ZNF414: variants seen among roughly 807,000 people sequenced by gnomAD.
The protein encoded by ZNF414 is zinc finger protein 414.
ZNF414 carries 32 observed loss-of-function variants against 38.3 expected under a neutral mutation model. The observed-to-expected ratio is 0.83, with a 90% CI of 0.63 to 1.12. The LOEUF is 1.12. ZNF414 is among the 50% of genes most tolerant of loss of function. The pLI is 0.00. For missense variants in ZNF414, 589 were observed against 557.4 expected (o/e 1.06, Z -0.57); for synonymous variants, 256 against 248.0 (o/e 1.03, Z -0.30).
rs1599890165 is a variant in ZNF414 at position 8,510,889 on chromosome 19, G to A, written c.1061C>T (p.Ala354Val). The A allele has an allele frequency of 1.8e-6, 2 of 1,142,304 alleles. No homozygotes were observed. The highest frequency in any genetic ancestry group is 4.9e-5 in the Admixed American group (1 of 20,518). The allele number at this position is 1,142,304 out of a possible 1,614,324, so 70.8% of individuals were successfully genotyped here. A position where few individuals can be genotyped will look rare whatever the true frequency, so the allele number is the denominator to read the frequency against. Reference protein sequence around the residue: ...LEDHRPGAPAAPAAGPPRPDA... With the variant: ...LEDHRPGAPAVPAAGPPRPDA... ...GGGGCGCGGCGGCCCGGCCGCGGGG[G>A]CCGCGGGGGCGCCGGGGCGGTGGTC... Residue 354 changes from alanine to valine, a missense_variant, in exon 7 of 8, where the codon GCC (alanine) becomes GTC (valine). Ala to Val is a moderately conservative substitution (Grantham distance 64). Transcript: ENST00000393927.
rs1241404590 is a variant in ZNF414, at chr19:8,510,507, A to C, written c.*184T>G. 5.1e-6 allele frequency: 3 copies of C among 582,532 alleles called. No homozygotes were observed. The highest frequency in any genetic ancestry group is 8.3e-6 in the Non-Finnish European group (3 of 360,746). The allele number at this position is 582,532 out of a possible 1,614,324, so 36.1% of individuals were successfully genotyped here. A position where few individuals can be genotyped will look rare whatever the true frequency, so the allele number is the denominator to read the frequency against. On this transcript the variant is annotated 3_prime_UTR_variant, in exon 8 of 8. Transcript: ENST00000393927. ...TGTGGACCCAGGTGGTCCTCCCAAGATGTGATCAATCCATGACTGCTGGGC... is the reference window on the plus strand; with the variant it reads ...TGTGGACCCAGGTGGTCCTCCCAAGCTGTGATCAATCCATGACTGCTGGGC...
intron 6 of ZNF414, 190 bp downstream of exon 6, chr19:8,511,296 C>A: frequency 7.0e-7 from 1 of 1,428,668 alleles, no homozygotes; most frequent in South Asian, 1.5e-5. Context: ...AAGGTTTATA[C>A]GGGAACGCCG....
intron 3 of ZNF414, 36 bp downstream of exon 3, chr19:8,512,568 C>A (rs1261361676): frequency 1.9e-6 from 3 of 1,600,540 alleles, no homozygotes; most frequent in South Asian, 2.2e-5. Flanking sequence ...TGTTTCCCAC[C>A]CTAACCTGCC....
chr19:8,510,750 C>G lies in ZNF414; in HGVS notation c.1114G>C (p.Ala372Pro). ...GACAGCAGCGGCGACACCTTGGGTG[C>G]AAGCGGGGCCGGATCTGGGTGGGGC... ...PDAPADPAPLAPKVSPLLSEG... is the reference protein window; with the variant it reads ...PDAPADPAPLPPKVSPLLSEG... The change falls in exon 8 of 8, where the codon GCA becomes CCA. Residue 372 changes from alanine to proline, a missense_variant. Physicochemically the swap from Ala to Pro is conservative, Grantham distance 27. Coordinates refer to ENST00000393927, the MANE Select transcript of ZNF414 (RefSeq NM_001146175.2). The G allele has an allele frequency of 1.9e-6, 3 of 1,549,446 alleles. No homozygotes were observed. The highest frequency in any genetic ancestry group is 2.6e-6 in the Non-Finnish European group (3 of 1,145,822).
In ZNF414 at chr19:8,514,124, G is replaced by C. The variant is rs1483870650; in HGVS notation, c.-78C>G. The stretch of plus-strand genomic sequence containing the variant: ...GCGGCGGCCACCCTCTGGGCAGTGC[G>C]AGTTCGCGCTCACGTCAGCGCCATT... On this transcript the variant is annotated 5_prime_UTR_variant, in exon 1 of 8. Coordinates refer to ENST00000393927, the MANE Select transcript of ZNF414 (RefSeq NM_001146175.2). 2 of 1,396,258 alleles carry C rather than the reference G, an allele frequency of 1.4e-6. No homozygotes were observed. The highest frequency in any genetic ancestry group is 3.0e-5 in the South Asian group (2 of 65,622). The allele number at this position is 1,396,258 out of a possible 1,614,324, so 86.5% of individuals were successfully genotyped here.
chr19:8,513,343 T>C lies in ZNF414; in HGVS notation c.4-2A>G. 6.3e-7 allele frequency: 1 copy of C among 1,581,962 alleles called. No individual in the cohort carries two copies. The highest frequency in any genetic ancestry group is 8.5e-7 in the Non-Finnish European group (1 of 1,172,450). ...GATGGGCCCTGAGGGTTTCTCCTCC[T>C]GGTGGAAGGAAGAGGCGGAGAGAAC... On this transcript the variant is annotated splice_acceptor_variant, in intron 1 of 7. Transcript: ENST00000393927. LOFTEE classifies it high-confidence loss of function.
Position 8,510,887 on chromosome 19 carries a change from G to A in ZNF414, c.1063C>T (p.Pro355Ser), listed in dbSNP as rs1971904145. The A allele has an allele frequency of 2.7e-6, 3 of 1,125,374 alleles. No homozygotes were observed. The highest frequency in any genetic ancestry group is 7.4e-4 in the Middle Eastern group (2 of 2,692). 69.7% of individuals were successfully genotyped at this position (1,125,374 alleles called of 1,614,324 possible). Reference sequence around the variant, plus strand: ...TCGGGGCGCGGCGGCCCGGCCGCGGGGGCCGCGGGGGCGCCGGGGCGGTGG... The same window carrying A: ...TCGGGGCGCGGCGGCCCGGCCGCGGAGGCCGCGGGGGCGCCGGGGCGGTGG... ...EDHRPGAPAA[P>S]AAGPPRPDAP... The change falls in exon 7 of 8, where the codon CCC becomes TCC. Residue 355 changes from proline to serine, a missense_variant. Transcript: ENST00000393927.
In ZNF414 at chr19:8,512,624, G is replaced by A. The variant is rs368774245; in HGVS notation, c.404C>T (p.Pro135Leu). ...CCTACCTTCCAGGGACTGTGTGGGC[G>A]GGCAGTGGGTTCGCAGATGCTGTGC... ...DLAQHLRTHC[P>L]PTQSLEGKLF... Residue 135 changes from proline to leucine, a missense_variant, in exon 3 of 8, where the codon CCG (proline) becomes CTG (leucine). Transcript: ENST00000393927. The A allele has an allele frequency of 1.1e-5, 18 of 1,592,224 alleles. No individual in the cohort carries two copies. Among genetic ancestry groups the A allele is most frequent in the African/African-American group, 5.4e-5 (4 of 74,668 alleles).
intron 4 of ZNF414, 200 bp downstream of exon 4, chr19:8,512,187 T>G: frequency 7.0e-7 from 1 of 1,428,510 alleles, no homozygotes. Context: ...GTTTTCCACT[T>G]GGGAGGTAAA....
intron 4 of ZNF414, 165 bp from the exon 5 acceptor site, chr19:8,512,125 T>C: frequency 7.2e-7 from 1 of 1,393,184 alleles, no homozygotes; most frequent in South Asian, 1.6e-5. Flanking sequence ...CCACTTCGGG[T>C]GGGAACCTGG....
In ZNF414 at chr19:8,513,066, G is replaced by C; in HGVS notation, c.279C>G (p.Ser93Arg). The C allele has an allele frequency of 2.0e-6, 3 of 1,487,592 alleles. No individual in the cohort carries two copies. Among genetic ancestry groups the C allele is most frequent in the African/African-American group, 2.8e-5 (2 of 70,274 alleles). The allele number at this position is 1,487,592 out of a possible 1,614,324, so 92.1% of individuals were successfully genotyped here. A position where few individuals can be genotyped will look rare whatever the true frequency, so the allele number is the denominator to read the frequency against. The change falls in exon 2 of 8, where the codon AGC becomes AGG. Residue 93 changes from serine to arginine, a missense_variant. Ser to Arg is a moderately radical substitution (Grantham distance 110, BLOSUM62 -1). Transcript: ENST00000393927. ...PGLTSIVSGT[S>R]EDLRPPRRRP... ...GTCGTCTGGGAGGCCGCAGGTCCTC[G>C]CTGGTCCCGGAGACTATGCTGGTCA...
chr19:8,511,058 T>G (rs1043713315), intron 6 of ZNF414, 34 bp from the exon 7 acceptor site: 18 of 1,282,116 alleles, frequency 1.4e-5, no homozygotes, highest in Non-Finnish European at 1.8e-5. Context: ...AGTCCCGGGC[T>G]CCCCCAGCCC....
intron 2 of ZNF414, 40 bp from the exon 3 acceptor site, chr19:8,512,751 C>G: frequency 6.9e-7 from 1 of 1,452,584 alleles, no homozygotes; most frequent in East Asian, 2.4e-5. Flanking sequence ...GTCCCTTCCT[C>G]ACTAGTGCTG....
chr19:8,513,072 C>T lies in ZNF414; in HGVS notation c.273G>A (p.Gly91=). The T allele has an allele frequency of 6.7e-7, 1 of 1,500,730 alleles. No individual in the cohort carries two copies. The highest frequency in any genetic ancestry group is 8.9e-7 in the Non-Finnish European group (1 of 1,127,236). The allele number at this position is 1,500,730 out of a possible 1,614,324, so 93.0% of individuals were successfully genotyped here. ...PSPGLTSIVS[G]TSEDLRPPRR... ...TGGGAGGCCGCAGGTCCTCGCTGGT[C>T]CCGGAGACTATGCTGGTCAGGCCAG... is the stretch of plus-strand genomic sequence containing the variant. Residue 91 remains glycine, a synonymous_variant, in exon 2 of 8, where the codon GGG becomes GGA. Coordinates refer to ENST00000393927, the MANE Select transcript of ZNF414 (RefSeq NM_001146175.2).
intron 2 of ZNF414, 148 bp from the exon 3 acceptor site, chr19:8,512,859 G>C: frequency 8.6e-7 from 1 of 1,169,276 alleles, no homozygotes; most frequent in Non-Finnish European, 1.2e-6. Context: ...ACAGTGCAGG[G>C]GCTGGACTGG....
At chr19:8,512,058 G>A (rs1568322744) in intron 4 of ZNF414, 98 bp from the exon 5 acceptor site, 2 of 1,397,012 alleles carry the variant, frequency 1.4e-6, no homozygotes, top group Admixed American at 6.4e-5. Flanking sequence ...TGGGAACGGA[G>A]CCTGGGCACT....
Position 8,511,511 on chromosome 19 carries a change from G to A in ZNF414, c.900C>T (p.Pro300=), listed in dbSNP as rs758120733. 1.2e-6 allele frequency: 2 copies of A among 1,605,978 alleles called. No homozygotes were observed. The highest frequency in any genetic ancestry group is 2.3e-5 in the East Asian group (1 of 44,368). Residue 300 remains proline, a synonymous_variant, in exon 6 of 8, where the codon CCC becomes CCT. Coordinates refer to ENST00000393927, the MANE Select transcript of ZNF414 (RefSeq NM_001146175.2). ...CTGAGGGCGCGTCGGAGCCGCCCTG[G>A]GGTCTTCGGGGGCTGCTGCCAGCAC... The part of the protein sequence containing the change: ...SQGAGSSPRR[P]QGGSDAPSGH...
chr19:8,511,019 C>A lies in ZNF414; in HGVS notation c.931G>T (p.Ala311Ser). The change falls in exon 7 of 8, where the codon GCG becomes TCG. Residue 311 changes from alanine to serine, a missense_variant. Coordinates refer to ENST00000393927, the MANE Select transcript of ZNF414 (RefSeq NM_001146175.2). ...QGGSDAPSGH[A>S]APSRIVWEHT... is the part of the protein sequence containing the mutation. ...TCCCACACGATGCGGCTCGGGGCCG[C>A]GTGCCCTGCGGGCAGGCGGGACCCC... is the stretch of plus-strand genomic sequence containing the variant. 7.8e-7 allele frequency: 1 copy of A among 1,277,700 alleles called. No homozygotes were observed. The highest frequency in any genetic ancestry group is 9.9e-7 in the Non-Finnish European group (1 of 1,012,186). 79.1% of individuals were successfully genotyped at this position (1,277,700 alleles called of 1,614,324 possible).
rs767631761 is a variant in ZNF414 at position 8,511,734 on chromosome 19, A to G, written c.757T>C (p.Phe253Leu). The G allele has an allele frequency of 1.3e-5, 19 of 1,470,258 alleles. No homozygotes were observed. Among genetic ancestry groups the G allele is most frequent in the Middle Eastern group, 1.8e-4 (1 of 5,438 alleles). The allele number at this position is 1,470,258 out of a possible 1,614,324, so 91.1% of individuals were successfully genotyped here. The change falls in exon 5 of 8, where the codon TTC (phenylalanine) becomes CTC (leucine). Residue 253 changes from phenylalanine (F) to leucine (L), a missense_variant. Phe to Leu is a conservative substitution (Grantham distance 22). Coordinates refer to ENST00000393927, the MANE Select transcript of ZNF414 (RefSeq NM_001146175.2). ...GGCGCAGGGTTCAAGTAGGGCAGGA[A>G]CGGTCCGGTGGGGGCAGGGGCGGGG... Reference protein sequence around the residue: ...TTPAPAPTGPFLPYLNPAPFG... With the variant: ...TTPAPAPTGPLLPYLNPAPFG...
Sources: allele counts gnomAD v4.1 joint callset, GRCh38; gene constraint gnomAD v4.1.1; transcripts MANE v1.5; gene names NCBI Gene and HGNC (gene_info 2026-07-23, HGNC 2026-07-21).